LSM3: variants seen among roughly 807,000 people sequenced by gnomAD.
LSM3 encodes the protein LSM3 homolog, U6 small nuclear RNA and mRNA degradation associated, also known as U6 snRNA-associated Sm-like protein LSm3.
LSM3 carries 14 observed loss-of-function variants against 15.4 expected under a neutral mutation model. The observed-to-expected ratio is 0.91, with a 90% CI of 0.60 to 1.42. The LOEUF (loss-of-function observed/expected upper bound fraction) is 1.42. Ranked by LOEUF, LSM3 falls within the 40% of genes most tolerant of loss-of-function variation. The pLI is 0.00. For synonymous variants in LSM3, 46 were observed against 45.1 expected (o/e 1.02, Z -0.08); for missense variants, 88 against 127.9 (o/e 0.69, Z 1.50).
intron 3 of LSM3, among the ~76,000 whole-genome samples, chr3:14,194,030 C>T (rs1697165814): frequency 6.6e-6 from 1 of 152,218 alleles, no homozygotes; most frequent in African/African-American, 2.4e-5. Context: ...AGTCAGGCCC[C>T]TCTGCTGCCA....
intron 1 of LSM3, 65 bp downstream of exon 1, chr3:14,178,946 AG>A: frequency 6.4e-7 from 1 of 1,565,564 alleles, no homozygotes; most frequent in South Asian, 1.1e-5. Context: ...TTCCAGACTC[AG>A]GAAAAATGGC....
At position 14,181,679 on chromosome 3, in the gene LSM3, A is replaced by G; in HGVS notation, c.132+9A>G. On this transcript the variant is annotated intron_variant, in intron 2 of 3. Transcript: ENST00000306024. Reference sequence around the variant, plus strand: ...TTCGAGGCAGATTACATGTAAGTAAATTTATCAAGTTACCTTGAAATCAGA... The same window carrying G: ...TTCGAGGCAGATTACATGTAAGTAAGTTTATCAAGTTACCTTGAAATCAGA... 6.3e-7 allele frequency: 1 copy of G among 1,580,086 alleles called. No individual in the cohort carries two copies. Among genetic ancestry groups the G allele is most frequent in the Non-Finnish European group, 8.7e-7 (1 of 1,149,052 alleles).
intron 1 of LSM3, among the ~76,000 whole-genome samples, 175 bp from the exon 2 acceptor site, chr3:14,181,385 A>T (rs1697037056): frequency 6.6e-6 from 1 of 152,212 alleles, no homozygotes; most frequent in South Asian, 2.1e-4. Flanking sequence ...CTTCATGTAT[A>T]TCACTTAAGC....
chr3:14,184,581 C>G (rs1183645545), intron 3 of LSM3, among the ~76,000 whole-genome samples: 1 of 150,822 alleles, frequency 6.6e-6, no homozygotes, highest in Non-Finnish European at 1.5e-5. Flanking sequence ...AACGGTGAAA[C>G]CCCGTCTCTA....
chr3:14,191,873 AG>A (rs1176673189), intron 3 of LSM3, among the ~76,000 whole-genome samples: 19 of 151,878 alleles, frequency 1.3e-4, no homozygotes, highest in Admixed American at 1.2e-3. Context: ...TTTTGATGTT[AG>A]GGTGTCAATT....
chr3:14,185,126 G>T (rs1273100843), intron 3 of LSM3, among the ~76,000 whole-genome samples: 3 of 152,026 alleles, frequency 2.0e-5, no homozygotes, highest in African/African-American at 7.2e-5. Flanking sequence ...CAAAGCGGGT[G>T]GATCACCTGA....
intron 3 of LSM3, among the ~76,000 whole-genome samples, chr3:14,191,790 G>C (rs960078656): frequency 4.0e-5 from 6 of 151,326 alleles, no homozygotes; most frequent in African/African-American, 1.2e-4. Context: ...CTTCAGTTCT[G>C]GTCTGATCTT....
chr3:14,178,962 C>A lies in LSM3; in HGVS notation c.21+81C>A. On this transcript the variant is annotated intron_variant, in intron 1 of 3. Transcript: ENST00000306024. ...TCCAGACTCAGGAAAAATGGCCAGT[C>A]GTGCCTCCTCTCTCCAAGTCACCAT... 3 of 1,451,958 alleles carry A rather than the reference C, an allele frequency of 2.1e-6. No homozygotes were observed. The South Asian group carries it at 3.4e-5, about 17-fold the overall frequency. 89.9% of individuals were successfully genotyped at this position (1,451,958 alleles called of 1,614,324 possible). A position where few individuals can be genotyped will look rare whatever the true frequency, so the allele number is the denominator to read the frequency against.
intron 3 of LSM3, among the ~76,000 whole-genome samples, chr3:14,192,038 A>G (rs1697144640): frequency 6.6e-6 from 1 of 152,036 alleles, no homozygotes; most frequent in Non-Finnish European, 1.5e-5. Context: ...TTCATTATTT[A>G]CCCAGTAGTC....
At chr3:14,188,097 G>A (rs1424400263) in intron 3 of LSM3, among the ~76,000 whole-genome samples, 3 of 152,144 alleles carry the variant, frequency 2.0e-5, no homozygotes, top group East Asian at 3.8e-4. Context: ...CTGTAGATTA[G>A]CACTGTAATA....
In LSM3 at chr3:14,200,986, C is replaced by T. The variant is rs769185198; in HGVS notation, c.*2870C>T. 1.3e-5 allele frequency: 2 copies of T among 152,144 alleles called. No homozygotes were observed. The highest frequency in any genetic ancestry group is 2.4e-5 in the African/African-American group (1 of 41,430). 9.4% of individuals were successfully genotyped at this position (152,144 alleles called of 1,614,324 possible). A position where few individuals can be genotyped will look rare whatever the true frequency, so the allele number is the denominator to read the frequency against. ...GTCTCAAATAATACTTAGCTATTAC[C>T]CATATTGCTTTTAGCCTGCTGCCAG... On this transcript the variant is annotated 3_prime_UTR_variant, in exon 4 of 4. Coordinates refer to ENST00000306024, the MANE Select transcript of LSM3 (RefSeq NM_014463.3).
chr3:14,182,748 T>G (rs1039854257), intron 2 of LSM3, among the ~76,000 whole-genome samples: 2 of 152,228 alleles, frequency 1.3e-5, no homozygotes, highest in Non-Finnish European at 2.9e-5. Flanking sequence ...TTAATCTTTA[T>G]AACAACCCTA....
intron 1 of LSM3, 140 bp from the exon 2 acceptor site, chr3:14,181,420 C>T (rs1045097752): frequency 1.6e-6 from 1 of 641,884 alleles, no homozygotes; most frequent in African/African-American, 1.8e-5. Flanking sequence ...ATTAGGTAGA[C>T]ACTATTATCT....
chr3:14,178,991 C>T, intron 1 of LSM3, 110 bp downstream of exon 1: 2 of 1,199,884 alleles, frequency 1.7e-6, no homozygotes, highest in Non-Finnish European at 1.2e-6. Context: ...TCACCATGGC[C>T]TAATCCACCC....
At chr3:14,197,242 C>T (rs1370813412) in intron 3 of LSM3, among the ~76,000 whole-genome samples, 5 of 152,218 alleles carry the variant, frequency 3.3e-5, no homozygotes, top group African/African-American at 7.2e-5. Flanking sequence ...TTTTCTGTTT[C>T]TTCTACTGCC....
chr3:14,198,919 A>G lies in LSM3; in HGVS notation c.*803A>G, dbSNP rs997854529. On this transcript the variant is annotated 3_prime_UTR_variant, in exon 4 of 4. Transcript: ENST00000306024. The stretch of plus-strand genomic sequence containing the variant: ...TCTGGGGAGGCAGATGTTTAAACCA[A>G]CAATTGCAGGCAGTAAGATTAGTGC... 2.0e-5 allele frequency: 3 copies of G among 152,214 alleles called. No homozygotes were observed. The highest frequency in any genetic ancestry group is 1.5e-5 in the Non-Finnish European group (1 of 68,048). 9.4% of individuals were successfully genotyped at this position (152,214 alleles called of 1,614,324 possible).
At chr3:14,182,009 A>G (rs778037108) in intron 2 of LSM3, among the ~76,000 whole-genome samples, 4 of 152,216 alleles carry the variant, frequency 2.6e-5, no homozygotes, top group African/African-American at 9.7e-5. Flanking sequence ...ACAAAAATAT[A>G]TAGAGTAAAA....
intron 3 of LSM3, 102 bp from the exon 4 acceptor site, chr3:14,197,934 T>C: frequency 1.0e-6 from 1 of 989,718 alleles, no homozygotes; most frequent in Middle Eastern, 2.1e-4. Context: ...TTAATCCAAT[T>C]TTTTTGTGTC....
At chr3:14,185,509 G>C (rs1019396128) in intron 3 of LSM3, among the ~76,000 whole-genome samples, 1 of 152,202 alleles carries the variant, frequency 6.6e-6, no homozygotes, top group African/African-American at 2.4e-5. Flanking sequence ...ATCGATAACA[G>C]CTAGAAGATT....
Sources: gnomAD v4.1 joint callset for allele counts (sites outside exome capture counted in the v4.1 genomes callset) on GRCh38, gnomAD v4.1.1 for gene constraint, MANE v1.5 for transcripts, NCBI Gene and HGNC (gene_info 2026-07-23, HGNC 2026-07-21) for gene names.